OSMR: variants seen among roughly 807,000 people sequenced by gnomAD.
OSMR encodes the protein oncostatin-M-specific receptor subunit beta.
In OSMR, 81 loss-of-function variants were observed where a neutral mutation model predicts 99.9. That is an observed-to-expected ratio of 0.81 (90% CI 0.68 to 0.97). The LOEUF (loss-of-function observed/expected upper bound fraction) is 0.97, where lower values mean the gene tolerates loss of function less well. OSMR is among the 50% of genes least tolerant of loss of function. The pLI is 0.00. For missense variants in OSMR, 1,099 were observed against 1,153.4 expected, an observed-to-expected ratio of 0.95 and a Z score of 0.68; for synonymous variants, 406 against 410.4, an observed-to-expected ratio of 0.99 and a Z score of 0.13.
Position 38,886,154 on chromosome 5 carries a change from A to G in OSMR, c.955A>G (p.Arg319Gly), listed in dbSNP as rs148574016. ...CATAGCTGAAAATTACTTAAGGAAG[A>G]GAAGTGTCAATATCCTTTTTAACCT... ...TLIAENYLRK[R>G]SVNILFNLTH... Residue 319 changes from arginine (R) to glycine (G), a missense_variant, in exon 7 of 18, where the codon AGA becomes GGA. Coordinates refer to ENST00000274276, the MANE Select transcript of OSMR (RefSeq NM_003999.3). 1.5e-5 allele frequency: 25 copies of G among 1,614,122 alleles called. No homozygotes were observed. Among genetic ancestry groups the G allele is most frequent in the Admixed American group, 5.0e-5 (3 of 60,026 alleles).
Position 38,869,008 on chromosome 5 carries a change from CTTCTTATAATTTATCT to C in OSMR, c.-13-21_-13-6del. The C allele has an allele frequency of 5.0e-6, 8 of 1,610,640 alleles. No homozygotes were observed. The highest frequency in any genetic ancestry group is 6.8e-6 in the Non-Finnish European group (8 of 1,178,198). On this transcript the variant is annotated splice_region_variant and splice_polypyrimidine_tract_variant and intron_variant, in intron 1 of 17. Coordinates refer to ENST00000274276, the MANE Select transcript of OSMR (RefSeq NM_003999.3). The stretch of plus-strand genomic sequence containing the variant: ...GTATTGAAAATTAAATAAAATTTTC[CTTCTTATAATTTATCT>C]TTTTCAGAAAACCAGAACTGATGGC...
chr5:38,910,467 C>A (rs1180753324), intron 9 of OSMR, among the ~76,000 whole-genome samples: 1 of 152,168 alleles, frequency 6.6e-6, no homozygotes, highest in African/African-American at 2.4e-5. Context: ...AGACATAAAA[C>A]AATCCTCAGC....
chr5:38,873,826 T>C (rs1742585830), intron 2 of OSMR, among the ~76,000 whole-genome samples: 1 of 152,064 alleles, frequency 6.6e-6, no homozygotes. Context: ...CTTATTTTAT[T>C]TTATTCTATT....
intron 7 of OSMR, among the ~76,000 whole-genome samples, chr5:38,890,612 T>G (rs1744093541): frequency 6.6e-6 from 1 of 152,084 alleles, no homozygotes; most frequent in Admixed American, 6.5e-5. Flanking sequence ...CTTTTTTTTT[T>G]TTTTGTCTTA....
intron 5 of OSMR, among the ~76,000 whole-genome samples, chr5:38,885,038 G>A (rs920612823): frequency 1.3e-5 from 2 of 152,142 alleles, no homozygotes; most frequent in African/African-American, 2.4e-5. Flanking sequence ...CACAGCACCC[G>A]AAATGAAACA....
At chr5:38,891,188 A>G (rs1303001198) in intron 7 of OSMR, among the ~76,000 whole-genome samples, 1 of 152,256 alleles carries the variant, frequency 6.6e-6, no homozygotes, top group Non-Finnish European at 1.5e-5. Context: ...AACCAAGGTC[A>G]GAGTACTTGC....
At chr5:38,881,569 C>T (rs757178327) in intron 3 of OSMR, 24 bp from the exon 4 acceptor site, 3 of 1,614,084 alleles carry the variant, frequency 1.9e-6, no homozygotes, top group South Asian at 2.2e-5. Flanking sequence ...TATGTGTCTC[C>T]AATTGTTTTC....
chr5:38,891,970 A>G (rs1744189789), intron 7 of OSMR, among the ~76,000 whole-genome samples: 1 of 152,138 alleles, frequency 6.6e-6, no homozygotes, highest in South Asian at 2.1e-4. Context: ...TCTCCGGGCA[A>G]GGCTCATGGC....
At chr5:38,862,936 C>T (rs981965250) in intron 1 of OSMR, among the ~76,000 whole-genome samples, 6 of 152,000 alleles carry the variant, frequency 3.9e-5, no homozygotes, top group South Asian at 4.1e-4. Flanking sequence ...CCGAGGCTGG[C>T]GGATCAGTCG....
intron 1 of OSMR, among the ~76,000 whole-genome samples, chr5:38,866,167 T>C (rs1027983663): frequency 1.3e-5 from 2 of 152,178 alleles, no homozygotes; most frequent in Non-Finnish European, 2.9e-5. Flanking sequence ...GCTTCATGTG[T>C]GCAGGCACTA....
At chr5:38,869,575 A>G (rs1303874869) in intron 2 of OSMR, among the ~76,000 whole-genome samples, 1 of 152,234 alleles carries the variant, frequency 6.6e-6, no homozygotes, top group Non-Finnish European at 1.5e-5. Flanking sequence ...AGTAAAAGCA[A>G]TGAAAATATG....
At chr5:38,915,883 G>A (rs774268226) in intron 9 of OSMR, among the ~76,000 whole-genome samples, 1 of 152,226 alleles carries the variant, frequency 6.6e-6, no homozygotes, top group Non-Finnish European at 1.5e-5. Flanking sequence ...TTAGGACTCA[G>A]TTGCAGAATG....
In OSMR at chr5:38,869,149, A is replaced by T. The variant is rs116432854; in HGVS notation, c.73+32A>T. 5.1e-3 allele frequency: 7,535 copies of T among 1,468,980 alleles called. 30 individuals carry two copies. The highest frequency in any genetic ancestry group is 5.6e-3 in the Non-Finnish European group (5,892 of 1,047,486). The allele number at this position is 1,468,980 out of a possible 1,614,324, so 91.0% of individuals were successfully genotyped here. A position where few individuals can be genotyped will look rare whatever the true frequency, so the allele number is the denominator to read the frequency against. On this transcript the variant is annotated intron_variant, in intron 2 of 17. Coordinates refer to ENST00000274276, the MANE Select transcript of OSMR (RefSeq NM_003999.3). ...AGTGGAAGGAACAGTAAAGACAAAA[A>T]TCACGTCGGGAACAAATGAAGTCAT...
At chr5:38,876,421 A>G (rs1561355773) in intron 3 of OSMR, 48 bp downstream of exon 3, 2 of 1,497,032 alleles carry the variant, frequency 1.3e-6, no homozygotes, top group Non-Finnish European at 1.9e-6. Context: ...CTTTAAAAAA[A>G]GACACCTTGG....
At chr5:38,929,794 A>G (rs1467611780) in intron 15 of OSMR, among the ~76,000 whole-genome samples, 2 of 152,218 alleles carry the variant, frequency 1.3e-5, no homozygotes, top group East Asian at 3.8e-4. Context: ...GGAAAATAAA[A>G]TTCACTATGC....
In OSMR at chr5:38,931,965, G is replaced by A; in HGVS notation, c.2294+1G>A. 1 of 1,610,312 alleles carries A rather than the reference G, an allele frequency of 6.2e-7. No individual in the cohort carries two copies. Among genetic ancestry groups the A allele is most frequent in the Non-Finnish European group, 8.5e-7 (1 of 1,176,660 alleles). ...TCATGTGCTACTTGAAAAGTCAGTG[G>A]TAAGTGTGTGAGGAAGGTTTTATCC... On this transcript the variant is annotated splice_donor_variant, in intron 16 of 17. Coordinates refer to ENST00000274276, the MANE Select transcript of OSMR (RefSeq NM_003999.3). LOFTEE classifies it high-confidence loss of function.
At chr5:38,872,108 C>T (rs573489490) in intron 2 of OSMR, among the ~76,000 whole-genome samples, 1 of 152,174 alleles carries the variant, frequency 6.6e-6, no homozygotes, top group South Asian at 2.1e-4. Flanking sequence ...ACCTCAATTT[C>T]CTCGTCTGAA....
chr5:38,911,237 G>A (rs984686845), intron 9 of OSMR, among the ~76,000 whole-genome samples: 4 of 152,130 alleles, frequency 2.6e-5, no homozygotes, highest in East Asian at 3.9e-4. Context: ...AATCAGAAAT[G>A]TTAGAGGACA....
chr5:38,944,687 AC>A (rs1160477521), intron 2 of OSMR: 42 of 975,558 alleles, frequency 4.3e-5, no homozygotes, highest in Admixed American at 8.1e-5. Context: ...CACATGATCT[AC>A]CAATCATTTT....
Sources: allele counts gnomAD v4.1 joint callset (sites outside exome capture counted in the v4.1 genomes callset), GRCh38; gene constraint gnomAD v4.1.1; transcripts MANE v1.5; gene names NCBI Gene and HGNC (gene_info 2026-07-23, HGNC 2026-07-21).